B3GALT1: variants seen among roughly 807,000 people sequenced by gnomAD.
B3GALT1 encodes beta-1,3-galactosyltransferase 1, also known as UDP-Gal:betaGlcNAc beta 1,3-galactosyltransferase, polypeptide 1.
A neutral mutation model predicts 23.2 loss-of-function variants in B3GALT1; 10 were observed. That is an observed-to-expected ratio of 0.43 (90% CI 0.27 to 0.73). The LOEUF is 0.73. Ranked by LOEUF, B3GALT1 falls within the 30% of genes least tolerant of loss-of-function variation. The probability of loss-of-function intolerance (pLI) is 0.21; values close to 1 mark genes in which losing one functional copy is unlikely to be tolerated. For synonymous variants in B3GALT1, 156 were observed against 141.5 expected, an observed-to-expected ratio of 1.10 and a Z score of -0.73; for missense variants, 299 against 405.4, an observed-to-expected ratio of 0.74 and a Z score of 2.25.
At chr2:167,568,741 A>T (rs561766934) in intron 2 of B3GALT1, among the ~76,000 whole-genome samples, 1 of 152,098 alleles carries the variant, frequency 6.6e-6, no homozygotes, top group Non-Finnish European at 1.5e-5. Context: ...AGTCCAGCTT[A>T]TCAGTATTTC....
chr2:167,855,121 C>T (rs1300971809), intron 4 of B3GALT1, among the ~76,000 whole-genome samples: 1 of 152,190 alleles, frequency 6.6e-6, no homozygotes, highest in African/African-American at 2.4e-5. Context: ...CACACCTACA[C>T]TGTGAAACTG....
At chr2:167,731,429 C>T (rs1160552865) in intron 3 of B3GALT1, among the ~76,000 whole-genome samples, 1 of 152,160 alleles carries the variant, frequency 6.6e-6, no homozygotes, top group African/African-American at 2.4e-5. Context: ...GGATCATCAG[C>T]GCCCAAAGCT....
chr2:167,559,849 G>A (rs1242087733), intron 2 of B3GALT1, among the ~76,000 whole-genome samples: 5 of 152,272 alleles, frequency 3.3e-5, no homozygotes, highest in Non-Finnish European at 5.9e-5. Flanking sequence ...TCAAAGTGAC[G>A]GGGAGAATGG....
rs73971229 is a variant in B3GALT1, at chr2:167,698,603, G to A, written c.-352+51637G>A. Among the ~76,000 whole-genome samples the A allele has an allele frequency of 9.8e-3, 1,485 of 152,202 alleles. 19 individuals are homozygous for A. Among genetic ancestry groups the A allele is most frequent in the African/African-American group, 0.033 (1,369 of 41,508 alleles). ...CACCATATTGTCATTTCTGATTAAG[G>A]GGCAAAGAAAATGAGATAGACTTAC... On this transcript the variant is annotated intron_variant, in intron 3 of 4. Transcript: ENST00000392690.
At chr2:167,674,709 A>G (rs1490759967) in intron 3 of B3GALT1, among the ~76,000 whole-genome samples, 1 of 152,200 alleles carries the variant, frequency 6.6e-6, no homozygotes, top group Non-Finnish European at 1.5e-5. Flanking sequence ...TATTAAGTCA[A>G]AGACATGAAG....
At chr2:167,765,750 A>G (rs1056179939) in intron 3 of B3GALT1, among the ~76,000 whole-genome samples, 3 of 152,162 alleles carry the variant, frequency 2.0e-5, no homozygotes, top group Admixed American at 2.0e-4. Flanking sequence ...AACTCTGATA[A>G]TGTGTGTTAG....
At chr2:167,416,329 A>G (rs1457822164) in intron 1 of B3GALT1, among the ~76,000 whole-genome samples, 4 of 152,196 alleles carry the variant, frequency 2.6e-5, no homozygotes, top group Non-Finnish European at 5.9e-5. Flanking sequence ...GGCCTCAGAC[A>G]CTGAGCAGCT....
chr2:167,670,297 C>A (rs367563956), intron 3 of B3GALT1, among the ~76,000 whole-genome samples: 1 of 152,132 alleles, frequency 6.6e-6, no homozygotes, highest in Non-Finnish European at 1.5e-5. Flanking sequence ...AGAAAACATG[C>A]AATCCTAAGA....
At chr2:167,462,508 A>G (rs914924326) in intron 1 of B3GALT1, among the ~76,000 whole-genome samples, 4 of 152,278 alleles carry the variant, frequency 2.6e-5, no homozygotes, top group African/African-American at 9.6e-5. Context: ...ATTTCCATCC[A>G]TTCCTCTTTT....
intron 3 of B3GALT1, among the ~76,000 whole-genome samples, chr2:167,796,843 A>G (rs975070885): frequency 3.3e-5 from 5 of 152,242 alleles, no homozygotes; most frequent in Admixed American, 3.3e-4. Context: ...AAGAATAGAA[A>G]TGAATATGAT....
At chr2:167,417,413 G>A (rs189877331) in intron 1 of B3GALT1, among the ~76,000 whole-genome samples, 47 of 152,158 alleles carry the variant, frequency 3.1e-4, no homozygotes, top group Admixed American at 2.6e-3. Flanking sequence ...CACTAGATGC[G>A]ACCCCTCAAC....
intron 1 of B3GALT1, among the ~76,000 whole-genome samples, chr2:167,335,825 C>G (rs1697051033): frequency 2.0e-5 from 3 of 152,030 alleles, no homozygotes; most frequent in Non-Finnish European, 4.4e-5. Flanking sequence ...TTTTGCAGAC[C>G]TCCAATCTCA....
chr2:167,778,993 A>G (rs1206827847), intron 3 of B3GALT1, among the ~76,000 whole-genome samples: 9 of 152,206 alleles, frequency 5.9e-5, no homozygotes, highest in Non-Finnish European at 1.3e-4. Context: ...ACACCTGTCA[A>G]TTCCTACCCA....
chr2:167,480,589 G>A (rs1486819845), intron 1 of B3GALT1, among the ~76,000 whole-genome samples: 6 of 120,106 alleles, frequency 5.0e-5, no homozygotes. Context: ...GAACTTGTGA[G>A]TGCTAAAAAA....
At chr2:167,660,107 T>A (rs867746217) in intron 3 of B3GALT1, among the ~76,000 whole-genome samples, 1 of 152,106 alleles carries the variant, frequency 6.6e-6, no homozygotes. Context: ...TTCATAAACA[T>A]ATCAGGATGT....
chr2:167,848,129 C>A (rs935769798), intron 4 of B3GALT1, among the ~76,000 whole-genome samples: 1 of 151,994 alleles, frequency 6.6e-6, no homozygotes, highest in Non-Finnish European at 1.5e-5. Flanking sequence ...GGTCCAGGAC[C>A]AAATAGATTC....
At chr2:167,399,159 G>A (rs1035637696) in intron 1 of B3GALT1, among the ~76,000 whole-genome samples, 1 of 152,142 alleles carries the variant, frequency 6.6e-6, no homozygotes, top group African/African-American at 2.4e-5. Flanking sequence ...GTGATAGAAT[G>A]CAGTTTGCTG....
At chr2:167,448,808 C>T (rs1285467599) in intron 1 of B3GALT1, among the ~76,000 whole-genome samples, 2 of 152,100 alleles carry the variant, frequency 1.3e-5, no homozygotes, top group Non-Finnish European at 2.9e-5. Context: ...GTTTCATTCT[C>T]CTACATGTGG....
chr2:167,807,552 C>G (rs1259480750), intron 3 of B3GALT1, among the ~76,000 whole-genome samples: 4 of 151,802 alleles, frequency 2.6e-5, no homozygotes, highest in African/African-American at 7.3e-5. Context: ...ATCTTTATTT[C>G]TGCCTTCATT....
Sources: allele counts gnomAD v4.1 joint callset (sites outside exome capture counted in the v4.1 genomes callset), GRCh38; gene constraint gnomAD v4.1.1; transcripts MANE v1.5; gene names NCBI Gene and HGNC (gene_info 2026-07-23, HGNC 2026-07-21).